FES: variants seen among roughly 807,000 people sequenced by gnomAD.
The protein encoded by FES is FES proto-oncogene, tyrosine kinase, also known as tyrosine-protein kinase Fes/Fps.
Under a neutral mutation model 109.6 loss-of-function variants are expected in FES, and 83 were observed. The ratio of observed to expected loss-of-function variants is 0.76; its 90% CI spans 0.63 to 0.91. The LOEUF (loss-of-function observed/expected upper bound fraction) is 0.91. FES is among the 40% of genes least tolerant of loss of function. FES has a pLI of 0.00. For missense variants in FES, 943 were observed against 1,070.9 expected, an observed-to-expected ratio of 0.88 and a Z score of 1.67; for synonymous variants, 458 against 442.1, an observed-to-expected ratio of 1.04 and a Z score of -0.45.
chr15:90,890,582 G>T, intron 10 of FES, 98 bp downstream of exon 10: 3 of 1,126,936 alleles, frequency 2.7e-6, no homozygotes, highest in Non-Finnish European at 3.8e-6. Flanking sequence ...GCTTGTATTG[G>T]GAAGTTCCTC....
rs775093434 is a variant in FES, at chr15:90,889,798, C to T, written c.927-42C>T. The T allele has an allele frequency of 1.2e-5, 20 of 1,611,340 alleles. No homozygotes were observed. Among genetic ancestry groups the T allele is most frequent in the African/African-American group, 2.7e-5 (2 of 74,804 alleles). Reference sequence around the variant, plus strand: ...ATGCACTGGACCTGGGTTGAGGGGGCAGGAGGGCTCGGTTCTAATGCTGCC... The same window carrying T: ...ATGCACTGGACCTGGGTTGAGGGGGTAGGAGGGCTCGGTTCTAATGCTGCC... On this transcript the variant is annotated intron_variant, in intron 7 of 18. Coordinates refer to ENST00000328850, the MANE Select transcript of FES (RefSeq NM_002005.4). The surrounding 1 kb of genome is among the most constrained non-coding windows in gnomAD (Gnocchi z 6.1).
At chr15:90,892,271 C>T (rs530871168) in intron 13 of FES, 160 bp downstream of exon 13, 286 of 760,436 alleles carry the variant, frequency 3.8e-4, no homozygotes, top group Non-Finnish European at 5.3e-4. Context: ...CTCCAGGAAA[C>T]GGGACAGTAC....
In FES at chr15:90,885,545, A is replaced by G; in HGVS notation, c.347A>G (p.Tyr116Cys). The G allele has an allele frequency of 6.2e-7, 1 of 1,613,230 alleles. No homozygotes were observed. The highest frequency in any genetic ancestry group is 8.5e-7 in the Non-Finnish European group (1 of 1,180,006). Reference protein sequence around the residue: ...IRERQQLRKTYSEQWQQLQQE... With the variant: ...IRERQQLRKTCSEQWQQLQQE... ...GAACGGCAGCAGCTTCGCAAGACCTACAGCGAGCAGTGGCAGCAGCTGCAG... is the reference window on the plus strand; with the variant it reads ...GAACGGCAGCAGCTTCGCAAGACCTGCAGCGAGCAGTGGCAGCAGCTGCAG... The change falls in exon 3 of 19, where the codon TAC becomes TGC. Residue 116 changes from tyrosine to cysteine, a missense_variant. Physicochemically the swap from Tyr to Cys is radical, Grantham distance 194 (BLOSUM62 -2). Transcript: ENST00000328850.
intron 14 of FES, 25 bp from the exon 15 acceptor site, chr15:90,893,075 G>A: frequency 6.2e-7 from 1 of 1,609,012 alleles, no homozygotes; most frequent in Non-Finnish European, 8.5e-7. Context: ...TGGCCACGTA[G>A]ATCCTGAGCA....
At chr15:90,893,522 G>A in intron 16 of FES, 108 bp downstream of exon 16, 1 of 1,488,998 alleles carries the variant, frequency 6.7e-7, no homozygotes, top group South Asian at 1.4e-5. Context: ...CTCCAGAGGG[G>A]GAGTTGGCCT....
chr15:90,892,884 GCA>G, intron 14 of FES, 59 bp downstream of exon 14: 2 of 1,523,586 alleles, frequency 1.3e-6, no homozygotes, highest in South Asian at 2.2e-5. Context: ...ACACTGCATG[GCA>G]CAGTGTGAAG....
intron 18 of FES, 28 bp downstream of exon 18, chr15:90,894,086 C>G (rs781333398): frequency 1.2e-6 from 2 of 1,611,584 alleles, no homozygotes; most frequent in Non-Finnish European, 8.5e-7. Flanking sequence ...ACAGCAGCCT[C>G]AGGCTGCACC....
In FES at chr15:90,893,792, A is replaced by C. The variant is rs768833012; in HGVS notation, c.2184A>C (p.Ala728=). ...GLRQVPVKWT[A]PEALNYGRYS... ...GACAAGTCCCCGTGAAGTGGACCGC[A>C]CCTGAGGCCCTTAACTACGGTACCT... The change falls in exon 17 of 19, where the codon GCA becomes GCC. Residue 728 remains alanine, a synonymous_variant. Coordinates refer to ENST00000328850, the MANE Select transcript of FES (RefSeq NM_002005.4). 4.4e-6 allele frequency: 7 copies of C among 1,598,006 alleles called. No homozygotes were observed. The highest frequency in any genetic ancestry group is 1.7e-4 in the Middle Eastern group (1 of 5,968).
Position 90,889,667 on chromosome 15 carries a change from C to A in FES, c.926+31C>A, listed in dbSNP as rs199670637. The A allele has an allele frequency of 6.2e-7, 1 of 1,610,786 alleles. No individual in the cohort carries two copies. Among genetic ancestry groups the A allele is most frequent in the South Asian group, 1.1e-5 (1 of 90,836 alleles). On this transcript the variant is annotated intron_variant, in intron 7 of 18. Coordinates refer to ENST00000328850, the MANE Select transcript of FES (RefSeq NM_002005.4). This position sits in a 1 kb window ranked among gnomAD's most constrained non-coding sequence, Gnocchi z 6.1. ...TGGTGGCTTTGCACCTGGGCTGCGG[C>A]GGGGCTCCCAGCAGACCACGAGTGT...
Position 90,889,361 on chromosome 15 carries a change from G to A in FES, c.724G>A (p.Val242Met), listed in dbSNP as rs762267346. The A allele has an allele frequency of 6.2e-7, 1 of 1,614,060 alleles. No homozygotes were observed. Among genetic ancestry groups the A allele is most frequent in the Non-Finnish European group, 8.5e-7 (1 of 1,180,028 alleles). ...TAGCAGCCTGGTGCAGGATGAGGTGGTGGCCATTCACCGGGAGATGGCTGC... is the reference window on the plus strand; with the variant it reads ...TAGCAGCCTGGTGCAGGATGAGGTGATGGCCATTCACCGGGAGATGGCTGC... The part of the protein sequence containing the change: ...EISSLVQDEV[V>M]AIHREMAAAA... The change falls in exon 6 of 19, where the codon GTG (valine) becomes ATG (methionine). Residue 242 changes from valine (V) to methionine (M), a missense_variant. By Grantham distance (21) the Val-to-Met change is conservative. Coordinates refer to ENST00000328850, the MANE Select transcript of FES (RefSeq NM_002005.4). This position sits in a 1 kb window ranked among gnomAD's most constrained non-coding sequence, Gnocchi z 6.1.
rs1419799858 is a variant in FES, at chr15:90,893,433, CG to C, written c.2045+22del. The C allele has an allele frequency of 3.9e-6, 6 of 1,526,880 alleles. No individual in the cohort carries two copies. In the African/African-American group the frequency reaches 5.6e-5, roughly 14 times the overall value. 94.6% of individuals were successfully genotyped at this position (1,526,880 alleles called of 1,614,324 possible). ...TCCACCGGTGAGTGGGCGGTGGCCA[CG>C]GGCCCTGCCAACACCCCCGACCAGA... On this transcript the variant is annotated intron_variant, in intron 16 of 18. Transcript: ENST00000328850.
rs978523892 is a variant in FES at position 90,889,041 on chromosome 15, G to A, written c.669-265G>A. On this transcript the variant is annotated intron_variant, in intron 5 of 18. Transcript: ENST00000328850. This position sits in a 1 kb window ranked among gnomAD's most constrained non-coding sequence, Gnocchi z 6.1. ...TGACCTCAGGCAATCCACCCGCCTC[G>A]ACCTCCCAGTGTTGGTATTATAGGC... Among the ~76,000 whole-genome samples the A allele has an allele frequency of 3.3e-5, 5 of 152,092 alleles. No individual in the cohort carries two copies. Among genetic ancestry groups the A allele is most frequent in the Non-Finnish European group, 7.4e-5 (5 of 68,016 alleles).
At position 90,889,357 on chromosome 15, in the gene FES, G is replaced by A; in HGVS notation, c.720G>A (p.Glu240=). ...AGATTAGCAGCCTGGTGCAGGATGA[G>A]GTGGTGGCCATTCACCGGGAGATGG... The part of the protein sequence containing the change: ...YLEISSLVQD[E]VVAIHREMAA... Residue 240 remains glutamate, a synonymous_variant, in exon 6 of 19, where the codon GAG becomes GAA. Transcript: ENST00000328850. This position sits in a 1 kb window ranked among gnomAD's most constrained non-coding sequence, Gnocchi z 6.1. The A allele has an allele frequency of 6.2e-7, 1 of 1,614,040 alleles. No homozygotes were observed. The highest frequency in any genetic ancestry group is 8.5e-7 in the Non-Finnish European group (1 of 1,180,028).
chr15:90,889,655 C>G lies in FES; in HGVS notation c.926+19C>G, dbSNP rs2033005024. The G allele has an allele frequency of 6.2e-7, 1 of 1,611,968 alleles. No homozygotes were observed. The highest frequency in any genetic ancestry group is 8.5e-7 in the Non-Finnish European group (1 of 1,179,924). On this transcript the variant is annotated intron_variant, in intron 7 of 18. Coordinates refer to ENST00000328850, the MANE Select transcript of FES (RefSeq NM_002005.4). This position sits in a 1 kb window ranked among gnomAD's most constrained non-coding sequence, Gnocchi z 6.1. ...AGCACACGTGGGTGGTGGCTTTGCA[C>G]CTGGGCTGCGGCGGGGCTCCCAGCA...
At chr15:90,890,890 G>T in intron 10 of FES, 92 bp from the exon 11 acceptor site, 1 of 1,251,516 alleles carries the variant, frequency 8.0e-7, no homozygotes, top group Admixed American at 2.0e-5. Context: ...AGGGCTGAGG[G>T]CATATAGGGG....
chr15:90,892,455 A>T (rs909274086), intron 13 of FES: 12 of 579,214 alleles, frequency 2.1e-5, no homozygotes, highest in African/African-American at 1.9e-4. Flanking sequence ...ATGCTTTTCA[A>T]ACCCAAGGGA....
At chr15:90,892,609 G>A in intron 13 of FES, 98 bp from the exon 14 acceptor site, 1 of 1,240,378 alleles carries the variant, frequency 8.1e-7, no homozygotes, top group Non-Finnish European at 1.1e-6. Context: ...CCGAACACGG[G>A]GGCCCCTCAC....
At chr15:90,884,927 C>T (rs1355936434) in intron 1 of FES, 110 bp from the exon 2 acceptor site, 2 of 887,970 alleles carry the variant, frequency 2.3e-6, no homozygotes, top group African/African-American at 1.7e-5. Flanking sequence ...GACCCCACCT[C>T]CTCCCCGTCT....
chr15:90,894,188 G>T (rs184197293), intron 18 of FES, 130 bp downstream of exon 18: 3 of 1,083,690 alleles, frequency 2.8e-6, no homozygotes, highest in Admixed American at 4.3e-5. Context: ...AGTTGCTCAC[G>T]CCTGTCATCC....
Sources: gnomAD v4.1 joint callset for allele counts (sites outside exome capture counted in the v4.1 genomes callset) on GRCh38, gnomAD v4.1.1 for gene constraint, Gnocchi (gnomAD v3.1) non-coding constraint, MANE v1.5 for transcripts, NCBI Gene and HGNC (gene_info 2026-07-23, HGNC 2026-07-21) for gene names.